The following ATP8A2 variants were observed in gnomAD, a reference collection of about 807,000 sequenced individuals.
ATP8A2 encodes the protein ATPase phospholipid transporting 8A2, also known as phospholipid-transporting ATPase IB.
A neutral mutation model predicts 165.6 loss-of-function variants in ATP8A2; 100 were observed. The observed-to-expected ratio is 0.60, with a 90% confidence interval of 0.51 to 0.71. The LOEUF (loss-of-function observed/expected upper bound fraction) is 0.71, where lower values mean the gene tolerates loss of function less well. ATP8A2 is among the 30% of genes least tolerant of loss of function. The probability of loss-of-function intolerance (pLI) is 0.00; values close to 1 mark genes in which losing one functional copy is unlikely to be tolerated. For missense variants in ATP8A2, 1,227 were observed against 1,479.5 expected (o/e 0.83, Z 2.80); for synonymous variants, 543 against 548.8 (o/e 0.99, Z 0.15).
chr13:25,922,303 G>C (rs970595046), intron 33 of ATP8A2, among the ~76,000 whole-genome samples: 1 of 152,150 alleles, frequency 6.6e-6, no homozygotes, highest in Non-Finnish European at 1.5e-5. Flanking sequence ...AGGGCCCCAG[G>C]TGGATTTATA....
At chr13:25,449,047 CTAAGA>C (rs933747973) in intron 1 of ATP8A2, among the ~76,000 whole-genome samples, 3 of 152,160 alleles carry the variant, frequency 2.0e-5, no homozygotes, top group Non-Finnish European at 2.9e-5. Flanking sequence ...CATGATTTCC[CTAAGA>C]TAAATCTATT....
intron 27 of ATP8A2, among the ~76,000 whole-genome samples, chr13:25,798,049 T>G (rs1950533328): frequency 6.6e-6 from 1 of 152,134 alleles, no homozygotes; most frequent in Non-Finnish European, 1.5e-5. Context: ...CATGATTAAT[T>G]TTTTTTCAAG....
chr13:25,933,205 A>G (rs941231048), intron 33 of ATP8A2, among the ~76,000 whole-genome samples: 1 of 152,182 alleles, frequency 6.6e-6, no homozygotes, highest in Non-Finnish European at 1.5e-5. Context: ...CTTCTTCTAC[A>G]GATGCCAGAT....
chr13:26,006,345 T>G (rs879881078), intron 35 of ATP8A2, among the ~76,000 whole-genome samples: 7 of 152,036 alleles, frequency 4.6e-5, no homozygotes, highest in South Asian at 4.1e-4. Context: ...ACTACTGATT[T>G]TTATTGGTTC....
chr13:25,455,166 T>G (rs562301168), intron 1 of ATP8A2, among the ~76,000 whole-genome samples: 6 of 152,330 alleles, frequency 3.9e-5, no homozygotes, highest in African/African-American at 1.4e-4. Flanking sequence ...CAGCAATGTC[T>G]CCTGATACAG....
At position 25,879,089 on chromosome 13, in the gene ATP8A2, T is replaced by A. The variant is rs1593493078; in HGVS notation, c.3183+16681T>A. Reference sequence around the variant, plus strand: ...GACGGGGCAGGAGAGCAGAGGGCATTTGGCTCTGAGGACAAGAATTTAAGT... The same window carrying A: ...GACGGGGCAGGAGAGCAGAGGGCATATGGCTCTGAGGACAAGAATTTAAGT... On this transcript the variant is annotated intron_variant, in intron 33 of 36. Coordinates refer to ENST00000381655, the MANE Select transcript of ATP8A2 (RefSeq NM_016529.6). Among the ~76,000 whole-genome samples the A allele has an allele frequency of 2.6e-5, 4 of 152,336 alleles. 1 individual carries two copies. In the South Asian group the frequency reaches 8.3e-4, roughly 32 times the overall value.
chr13:25,900,611 G>T (rs895724465), intron 33 of ATP8A2, among the ~76,000 whole-genome samples: 3 of 152,146 alleles, frequency 2.0e-5, no homozygotes, highest in African/African-American at 4.8e-5. Flanking sequence ...TAAGGAAGGG[G>T]CACACTGAGG....
At chr13:25,692,713 T>A (rs577590667) in intron 24 of ATP8A2, among the ~76,000 whole-genome samples, 28 of 152,314 alleles carry the variant, frequency 1.8e-4, no homozygotes, top group African/African-American at 6.7e-4. Flanking sequence ...CCTGAGATTA[T>A]AAGGTGGTAC....
chr13:25,386,268 T>C (rs1036269053), intron 1 of ATP8A2, among the ~76,000 whole-genome samples: 1 of 152,152 alleles, frequency 6.6e-6, no homozygotes, highest in Non-Finnish European at 1.5e-5. Flanking sequence ...GGTGAGTGCA[T>C]GGGAGAATTC....
intron 25 of ATP8A2, among the ~76,000 whole-genome samples, chr13:25,703,428 C>T (rs1399994469): frequency 6.6e-6 from 1 of 152,020 alleles, no homozygotes; most frequent in Non-Finnish European, 1.5e-5. Context: ...CTGGAAAGTA[C>T]CATATGACCC....
intron 24 of ATP8A2, among the ~76,000 whole-genome samples, chr13:25,664,037 C>T (rs997706227): frequency 7.2e-5 from 11 of 151,822 alleles, no homozygotes; most frequent in African/African-American, 2.2e-4. Flanking sequence ...GATGGAACCC[C>T]GTCTCTACAA....
intron 24 of ATP8A2, among the ~76,000 whole-genome samples, chr13:25,673,906 T>G (rs2137765457): frequency 6.6e-6 from 1 of 152,262 alleles, no homozygotes; most frequent in African/African-American, 2.4e-5. Context: ...GTACAAAAAT[T>G]TGGTGAAAAT....
At chr13:25,845,925 C>T (rs1951851563) in intron 30 of ATP8A2, among the ~76,000 whole-genome samples, 1 of 152,192 alleles carries the variant, frequency 6.6e-6, no homozygotes, top group African/African-American at 2.4e-5. Flanking sequence ...CCTGTAATCC[C>T]AGCACTTTGG....
chr13:25,534,065 C>T, intron 6 of ATP8A2: 1 of 452,196 alleles, frequency 2.2e-6, no homozygotes, highest in South Asian at 1.7e-5. Context: ...GCTAAATAAA[C>T]ATTTAATAAA....
rs903728001 is a variant in ATP8A2 at position 25,469,254 on chromosome 13, C to T, written c.221+133C>T. On this transcript the variant is annotated intron_variant, in intron 2 of 36. Coordinates refer to ENST00000381655, the MANE Select transcript of ATP8A2 (RefSeq NM_016529.6). ...CTCCCCCAGAGCCTTCCCCTGCCCC[C>T]TCCCCACCCCACTAGCCCGCGGTGC... is the stretch of plus-strand genomic sequence containing the variant. 4 of 1,133,830 alleles carry T rather than the reference C, an allele frequency of 3.5e-6. No individual in the cohort carries two copies. In the South Asian group the frequency reaches 4.6e-5, roughly 13 times the overall value. The allele number at this position is 1,133,830 out of a possible 1,614,324, so 70.2% of individuals were successfully genotyped here. A position where few individuals can be genotyped will look rare whatever the true frequency, so the allele number is the denominator to read the frequency against.
At chr13:25,987,041 T>C (rs1301604441) in intron 35 of ATP8A2, among the ~76,000 whole-genome samples, 2 of 152,206 alleles carry the variant, frequency 1.3e-5, no homozygotes, top group Admixed American at 1.3e-4. Flanking sequence ...AGTAATAATA[T>C]GTAAATAATT....
At chr13:25,825,673 T>C (rs1308970332) in intron 27 of ATP8A2, among the ~76,000 whole-genome samples, 1 of 152,156 alleles carries the variant, frequency 6.6e-6, no homozygotes, top group Non-Finnish European at 1.5e-5. Flanking sequence ...ATCCAGGCTC[T>C]CATTGCACTA....
At chr13:25,757,736 G>A (rs1022633537) in intron 25 of ATP8A2, among the ~76,000 whole-genome samples, 2 of 152,114 alleles carry the variant, frequency 1.3e-5, no homozygotes, top group Admixed American at 6.5e-5. Flanking sequence ...GAGAGCCCCT[G>A]TTATATGTGT....
rs1358237895 is a variant in ATP8A2, at chr13:25,579,807, G to A, written c.1868-1G>A. Reference sequence around the variant, plus strand: ...TCCATTCACCAGTGGCTGTCTTGCAGGCTTGCGGACTCTCTGTGTGGCTTA... The same window carrying A: ...TCCATTCACCAGTGGCTGTCTTGCAAGCTTGCGGACTCTCTGTGTGGCTTA... On this transcript the variant is annotated splice_acceptor_variant, in intron 21 of 36. Coordinates refer to ENST00000381655, the MANE Select transcript of ATP8A2 (RefSeq NM_016529.6). LOFTEE classifies it high-confidence loss of function. 1 of 1,602,920 alleles carries A rather than the reference G, an allele frequency of 6.2e-7. No homozygotes were observed. Among genetic ancestry groups the A allele is most frequent in the Non-Finnish European group, 8.5e-7 (1 of 1,174,314 alleles).
Sources: allele counts gnomAD v4.1 joint callset (sites outside exome capture counted in the v4.1 genomes callset), GRCh38; gene constraint gnomAD v4.1.1; transcripts MANE v1.5; gene names NCBI Gene and HGNC (gene_info 2026-07-23, HGNC 2026-07-21).